Variants in CAMK2G observed in about 807,000 individuals in gnomAD.
The protein encoded by CAMK2G is calcium/calmodulin dependent protein kinase II gamma.
CAMK2G carries 23 observed loss-of-function variants against 88.7 expected under a neutral mutation model. The observed-to-expected ratio is 0.26, with a 90% confidence interval of 0.19 to 0.37. The LOEUF (loss-of-function observed/expected upper bound fraction) is 0.37. CAMK2G is among the 10% of genes least tolerant of loss of function. CAMK2G has a pLI of 1.00. For synonymous variants in CAMK2G, 263 were observed against 294.8 expected, an observed-to-expected ratio of 0.89 and a Z score of 1.11; for missense variants, 476 against 780.8, an observed-to-expected ratio of 0.61 and a Z score of 4.65.
At chr10:73,864,993 T>C (rs2095533461) in intron 2 of CAMK2G, among the ~76,000 whole-genome samples, 2 of 152,198 alleles carry the variant, frequency 1.3e-5, no homozygotes, top group Non-Finnish European at 2.9e-5. Flanking sequence ...GAGGTTTAAC[T>C]GAGGTGGTAC....
At chr10:73,823,567 C>T (rs1309047325) in intron 17 of CAMK2G, among the ~76,000 whole-genome samples, 1 of 152,120 alleles carries the variant, frequency 6.6e-6, no homozygotes, top group African/African-American at 2.4e-5. Context: ...TCCCACCCAC[C>T]GTTTGAACAG....
At chr10:73,853,309 C>T (rs370659975) in intron 3 of CAMK2G, 63 bp from the exon 4 acceptor site, 3 of 1,416,510 alleles carry the variant, frequency 2.1e-6, no homozygotes, top group African/African-American at 1.4e-5. Flanking sequence ...CTAGGCTTCT[C>T]CTCAGCAGCC....
chr10:73,852,510 G>A (rs1247709032), intron 4 of CAMK2G, 191 bp from the exon 5 acceptor site: 2 of 582,034 alleles, frequency 3.4e-6, no homozygotes, highest in Non-Finnish European at 6.2e-6. Flanking sequence ...GGTATCATGG[G>A]CCGTCCCTTC....
intron 3 of CAMK2G, among the ~76,000 whole-genome samples, chr10:73,858,064 A>T (rs2095169660): frequency 6.6e-6 from 1 of 152,206 alleles, no homozygotes; most frequent in Non-Finnish European, 1.5e-5. Flanking sequence ...ACATTGACTC[A>T]TCATCATTAC....
chr10:73,832,187 G>C (rs1236202235), intron 14 of CAMK2G, among the ~76,000 whole-genome samples: 1 of 152,118 alleles, frequency 6.6e-6, no homozygotes, highest in Non-Finnish European at 1.5e-5. Flanking sequence ...ACCTGGTGAA[G>C]TTACTGTTGA....
At chr10:73,870,722 C>T (rs2095797661) in intron 2 of CAMK2G, among the ~76,000 whole-genome samples, 2 of 152,170 alleles carry the variant, frequency 1.3e-5, no homozygotes, top group African/African-American at 4.8e-5. Context: ...CCAACACCTG[C>T]GGAGACCTAG....
intron 2 of CAMK2G, among the ~76,000 whole-genome samples, chr10:73,863,048 T>C (rs923360528): frequency 6.6e-5 from 10 of 152,248 alleles, no homozygotes; most frequent in African/African-American, 2.2e-4. Flanking sequence ...TGAGATAATG[T>C]AGGGATTATG....
intron 14 of CAMK2G, among the ~76,000 whole-genome samples, chr10:73,836,482 C>A (rs575387098): frequency 6.6e-6 from 1 of 152,320 alleles, no homozygotes; most frequent in East Asian, 1.9e-4. Context: ...GGGGACCGCA[C>A]GATGCCCCCA....
intron 2 of CAMK2G, among the ~76,000 whole-genome samples, chr10:73,866,043 A>T (rs751874378): frequency 3.9e-5 from 6 of 152,186 alleles, no homozygotes; most frequent in Non-Finnish European, 8.8e-5. Flanking sequence ...AGGTGGCAAC[A>T]GGAGCAGAAA....
chr10:73,817,797 T>TGC, intron 19 of CAMK2G: 1 of 541,096 alleles, frequency 1.8e-6, no homozygotes, highest in East Asian at 2.9e-5. Context: ...CTTTGGCCTT[T>TGC]GCCTCCCTTT....
At chr10:73,860,501 G>A (rs143010114) in intron 3 of CAMK2G, among the ~76,000 whole-genome samples, 41 of 152,306 alleles carry the variant, frequency 2.7e-4, no homozygotes, top group African/African-American at 9.4e-4. Context: ...GGTGAGGGAC[G>A]CTGGCAGGCT....
intron 13 of CAMK2G, among the ~76,000 whole-genome samples, chr10:73,838,524 G>C (rs4746153): frequency 0.18 from 26,988 of 152,160 alleles, 2,504 homozygotes; most frequent in South Asian, 0.23. Flanking sequence ...AGCAAGTACT[G>C]AGTAAGTGTC....
intron 5 of CAMK2G, among the ~76,000 whole-genome samples, chr10:73,850,304 C>CAGGGT (rs1252204358): frequency 1.3e-5 from 2 of 152,216 alleles, no homozygotes; most frequent in Non-Finnish European, 2.9e-5. Context: ...CACAGTCACA[C>CAGGGT]ACGTAAATCA....
At chr10:73,850,275 G>A (rs906571280) in intron 5 of CAMK2G, among the ~76,000 whole-genome samples, 6 of 152,190 alleles carry the variant, frequency 3.9e-5, no homozygotes, top group Middle Eastern at 3.2e-3. Flanking sequence ...GATTACAGGC[G>A]TGAGCCACTG....
chr10:73,833,589 C>T (rs1224658531), intron 14 of CAMK2G, among the ~76,000 whole-genome samples: 1 of 131,434 alleles, frequency 7.6e-6, no homozygotes, highest in African/African-American at 2.9e-5. Context: ...TTTCTTTGAT[C>T]ATCTATCTTC....
chr10:73,852,378 T>C (rs2094694664), intron 4 of CAMK2G, 59 bp from the exon 5 acceptor site: 1 of 1,394,416 alleles, frequency 7.2e-7, no homozygotes, highest in Non-Finnish European at 1.0e-6. Context: ...CCAACCCCAA[T>C]GTCCAAGAAG....
At chr10:73,829,894 T>C (rs1396637145) in intron 14 of CAMK2G, among the ~76,000 whole-genome samples, 2 of 152,116 alleles carry the variant, frequency 1.3e-5, no homozygotes, top group African/African-American at 4.8e-5. Context: ...CTGACTTTGG[T>C]TTTTCCCCAG....
Position 73,813,389 on chromosome 10 carries a change from A to C in CAMK2G, c.*1129T>G, listed in dbSNP as rs2084621054. 6.5e-6 allele frequency: 1 copy of C among 152,696 alleles called. No homozygotes were observed. The highest frequency in any genetic ancestry group is 2.4e-5 in the African/African-American group (1 of 41,460). The allele number at this position is 152,696 out of a possible 1,614,324, so 9.5% of individuals were successfully genotyped here. A position where few individuals can be genotyped will look rare whatever the true frequency, so the allele number is the denominator to read the frequency against. ...GTCAATCTCAAAGACAGGAAAAGAG[A>C]TGGACGTGCAGCAAGGAAGAATAAG... On this transcript the variant is annotated 3_prime_UTR_variant, in exon 23 of 23. Coordinates refer to ENST00000423381, the MANE Select transcript of CAMK2G (RefSeq NM_001367534.1).
rs2094393452 is a variant in CAMK2G at position 73,848,299 on chromosome 10, T to A, written c.602-217A>T. Among the ~76,000 whole-genome samples the A allele has an allele frequency of 6.6e-6, 1 of 152,136 alleles. No homozygotes were observed. The highest frequency in any genetic ancestry group is 2.4e-5 in the African/African-American group (1 of 41,412). ...CAGGGATTTCTTTAGGCACAACCCA[T>A]CCTCTAAGGCGTGGGCAAATCCCTC... is the stretch of plus-strand genomic sequence containing the variant. On this transcript the variant is annotated intron_variant, in intron 8 of 22. Coordinates refer to ENST00000423381, the MANE Select transcript of CAMK2G (RefSeq NM_001367534.1). This position sits in a 1 kb window ranked among gnomAD's most constrained non-coding sequence, Gnocchi z 4.5.
Sources: allele counts gnomAD v4.1 joint callset (sites outside exome capture counted in the v4.1 genomes callset), GRCh38; gene constraint gnomAD v4.1.1; non-coding constraint Gnocchi (gnomAD v3.1); transcripts MANE v1.5; gene names NCBI Gene and HGNC (gene_info 2026-07-23, HGNC 2026-07-21).